Variants in SORCS3 observed in about 807,000 individuals in gnomAD.
SORCS3 encodes the protein VPS10 domain-containing receptor SorCS3.
SORCS3 carries 57 observed loss-of-function variants against 146.3 expected under a neutral mutation model. The observed-to-expected ratio is 0.39, with a 90% confidence interval of 0.31 to 0.49. The LOEUF (loss-of-function observed/expected upper bound fraction) is 0.49. Ranked by LOEUF, SORCS3 falls within the 20% of genes least tolerant of loss-of-function variation. The pLI is 0.92. For synonymous variants in SORCS3, 653 were observed against 618.5 expected (o/e 1.06, Z -0.83); for missense variants, 1,341 against 1,575.5 (o/e 0.85, Z 2.52).
At chr10:104,833,619 C>T (rs1465073300) in intron 1 of SORCS3, among the ~76,000 whole-genome samples, 3 of 152,122 alleles carry the variant, frequency 2.0e-5, no homozygotes, top group African/African-American at 7.2e-5. Context: ...TCGAGAGGTC[C>T]AAACAAACTG....
At position 105,044,338 on chromosome 10, in the gene SORCS3, A is replaced by AT. The variant is rs578171111; in HGVS notation, c.1028+1211dup. Among the ~76,000 whole-genome samples the AT allele has an allele frequency of 2.9e-4, 44 of 152,154 alleles. No homozygotes were observed. The East Asian group carries it at 6.6e-3, about 23-fold the overall frequency. ...TGTACTCTAGCTTGGGTGACAGAGAATAGGCTACTGCCATCATAGAGATTA... is the reference window on the plus strand; with the variant it reads ...TGTACTCTAGCTTGGGTGACAGAGAATTAGGCTACTGCCATCATAGAGATTA... On this transcript the variant is annotated intron_variant, in intron 5 of 26. Transcript: ENST00000369701.
At chr10:104,780,870 A>G (rs893812149) in intron 1 of SORCS3, among the ~76,000 whole-genome samples, 1 of 152,224 alleles carries the variant, frequency 6.6e-6, no homozygotes, top group Admixed American at 6.5e-5. Flanking sequence ...GAAGTTTACC[A>G]TCTTCTTAGG....
intron 1 of SORCS3, among the ~76,000 whole-genome samples, chr10:104,656,937 CT>C (rs1461709311): frequency 6.6e-6 from 1 of 152,166 alleles, no homozygotes; most frequent in Non-Finnish European, 1.5e-5. Flanking sequence ...GTTCACTTCT[CT>C]TTATAACTCC....
At chr10:105,082,272 T>G (rs1216162739) in intron 5 of SORCS3, among the ~76,000 whole-genome samples, 1 of 152,154 alleles carries the variant, frequency 6.6e-6, no homozygotes. Flanking sequence ...ACTGAACTTC[T>G]TAGTAGCAGG....
intron 1 of SORCS3, among the ~76,000 whole-genome samples, chr10:104,775,227 G>A (rs528374524): frequency 5.3e-5 from 8 of 152,336 alleles, no homozygotes; most frequent in African/African-American, 1.9e-4. Flanking sequence ...AGTTCTCTGA[G>A]TGTTAGTTTC....
chr10:105,176,352 T>C (rs966456008), intron 13 of SORCS3, among the ~76,000 whole-genome samples: 3 of 151,128 alleles, frequency 2.0e-5, no homozygotes, highest in Admixed American at 6.7e-5. Flanking sequence ...GAGACCAGCC[T>C]GGGCAATAAA....
chr10:104,693,817 TTC>T (rs2016142888), intron 1 of SORCS3, among the ~76,000 whole-genome samples: 1 of 152,160 alleles, frequency 6.6e-6, no homozygotes, highest in African/African-American at 2.4e-5. Context: ...TTTACCTTTC[TTC>T]TCTCTCTCTT....
At chr10:105,207,466 T>C (rs2056609678) in intron 16 of SORCS3, among the ~76,000 whole-genome samples, 1 of 152,114 alleles carries the variant, frequency 6.6e-6, no homozygotes, top group African/African-American at 2.4e-5. Flanking sequence ...GGAAAATGTG[T>C]GTGTGTTTGC....
intron 7 of SORCS3, among the ~76,000 whole-genome samples, chr10:105,114,723 G>A (rs886973418): frequency 3.3e-5 from 5 of 151,764 alleles, no homozygotes; most frequent in South Asian, 2.1e-4. Flanking sequence ...AAGCGGACAG[G>A]TAACACTGTG....
In SORCS3 at chr10:104,744,791, G is replaced by A. The variant is rs1008608284; in HGVS notation, c.628-98001G>A. Among the ~76,000 whole-genome samples the A allele has an allele frequency of 3.9e-5, 6 of 152,314 alleles. No individual in the cohort carries two copies. In the East Asian group the frequency reaches 1.2e-3, roughly 29 times the overall value. ...TCCCTTCAGTTTCCCTCTTGCCTTT[G>A]CTTCTCTGCAGGTTGCTGGTTGGGT... On this transcript the variant is annotated intron_variant, in intron 1 of 26. Transcript: ENST00000369701.
At position 105,213,505 on chromosome 10, in the gene SORCS3, T is replaced by A. The variant is rs184252176; in HGVS notation, c.2376-937T>A. 2.6e-3 allele frequency among the ~76,000 whole-genome samples: 396 copies of A among 152,286 alleles called. 5 individuals are homozygous for A. Among genetic ancestry groups the A allele is most frequent in the Non-Finnish European group, 6.3e-4 (43 of 68,018 alleles). On this transcript the variant is annotated intron_variant, in intron 17 of 26. Transcript: ENST00000369701. ...CTGCTGGTGATGATGGTGGTGATGG[T>A]CATAGTGGTGGTGTGTTTCTTTCAT... is the stretch of plus-strand genomic sequence containing the variant.
chr10:104,650,450 C>CT (rs1476112120), intron 1 of SORCS3, among the ~76,000 whole-genome samples: 1 of 152,066 alleles, frequency 6.6e-6, no homozygotes, highest in Non-Finnish European at 1.5e-5. Context: ...GTTTTCAATC[C>CT]TGGGGGGGGC....
chr10:105,024,255 C>T (rs1016870311), intron 4 of SORCS3, among the ~76,000 whole-genome samples: 4 of 151,986 alleles, frequency 2.6e-5, no homozygotes, highest in Admixed American at 1.3e-4. Flanking sequence ...CCCTACTGTG[C>T]TTTTGTGAGT....
intron 3 of SORCS3, among the ~76,000 whole-genome samples, chr10:104,936,289 T>C (rs1745160195): frequency 6.6e-6 from 1 of 152,086 alleles, no homozygotes; most frequent in African/African-American, 2.4e-5. Flanking sequence ...ATGGCTAACA[T>C]TGTGTTGTAG....
In SORCS3 at chr10:104,915,857, T is replaced by C. The variant is rs764186774; in HGVS notation, c.720T>C (p.Tyr240=). The change falls in exon 3 of 27, where the codon TAT becomes TAC. Residue 240 remains tyrosine (Y), a synonymous_variant. Transcript: ENST00000369701. The stretch of plus-strand genomic sequence containing the variant: ...GGTCGACAGATTATGGCACCACCTA[T>C]GAAAAGCTGAATGACAAAGTGGGTT... ...LWRSTDYGTT[Y]EKLNDKVGLK... 3 of 1,614,100 alleles carry C rather than the reference T, an allele frequency of 1.9e-6. No individual in the cohort carries two copies. Among genetic ancestry groups the C allele is most frequent in the Non-Finnish European group, 2.5e-6 (3 of 1,179,966 alleles).
intron 3 of SORCS3, among the ~76,000 whole-genome samples, chr10:104,966,970 T>C (rs75949114): frequency 6.6e-6 from 1 of 152,194 alleles, no homozygotes; most frequent in East Asian, 1.9e-4. Context: ...TTTTTTTTTT[T>C]TCAAAAGATA....
Position 105,180,656 on chromosome 10 carries a change from A to G in SORCS3, c.2009+2483A>G, listed in dbSNP as rs148169867. Among the ~76,000 whole-genome samples the G allele has an allele frequency of 3.2e-3, 493 of 152,300 alleles. 4 individuals are homozygous for G. Among genetic ancestry groups the G allele is most frequent in the African/African-American group, 0.011 (458 of 41,580 alleles). Reference sequence around the variant, plus strand: ...TGCCTTTAGGATAGAGTCTAAACTCATAGAATGGCCTACAAGTATCTATAT... The same window carrying G: ...TGCCTTTAGGATAGAGTCTAAACTCGTAGAATGGCCTACAAGTATCTATAT... On this transcript the variant is annotated intron_variant, in intron 14 of 26. Transcript: ENST00000369701.
chr10:104,873,798 A>G (rs1312290970), intron 2 of SORCS3, among the ~76,000 whole-genome samples: 1 of 152,196 alleles, frequency 6.6e-6, no homozygotes, highest in African/African-American at 2.4e-5. Context: ...AGATTGTCAT[A>G]AAGGAAAACA....
intron 5 of SORCS3, 54 bp downstream of exon 5, chr10:105,043,182 GTAGCACTC>G: frequency 6.7e-7 from 1 of 1,490,592 alleles, no homozygotes; most frequent in Admixed American, 1.7e-5. Context: ...ATCAAACAGC[GTAGCACTC>G]TAGACAGCTC....
Sources: gnomAD v4.1 joint callset for allele counts (sites outside exome capture counted in the v4.1 genomes callset) on GRCh38, gnomAD v4.1.1 for gene constraint, MANE v1.5 for transcripts, NCBI Gene and HGNC (gene_info 2026-07-23, HGNC 2026-07-21) for gene names.